The following CELF1 variants were observed in gnomAD, a reference collection of about 807,000 sequenced individuals.
The protein encoded by CELF1 is 50 kDa nuclear polyadenylated RNA-binding protein.
CELF1 carries 10 observed loss-of-function variants against 61.8 expected under a neutral mutation model. That is an observed-to-expected ratio of 0.16 (90% CI 0.10 to 0.27). The LOEUF (loss-of-function observed/expected upper bound fraction) is 0.27, where lower values mean the gene tolerates loss of function less well. Ranked by LOEUF, CELF1 falls within the 10% of genes least tolerant of loss-of-function variation. CELF1 has a pLI of 1.00. For missense variants in CELF1, 380 were observed against 639.1 expected (o/e 0.59, Z 4.37); for synonymous variants, 236 against 225.1 (o/e 1.05, Z -0.43).
At chr11:47,489,146 A>ACTACTT in intron 3 of CELF1, 122 bp from the exon 4 acceptor site, 1 of 834,502 alleles carries the variant, frequency 1.2e-6, no homozygotes, top group Non-Finnish European at 1.7e-6. Context: ...TACTTCTTTC[A>ACTACTT]CTACTTCCAT....
chr11:47,546,280 G>GGCGGGT (rs2096948664), intron 1 of CELF1, among the ~76,000 whole-genome samples: 4 of 141,576 alleles, frequency 2.8e-5, no homozygotes, highest in Non-Finnish European at 4.6e-5. Context: ...CGGGGGCGGG[G>GGCGGGT]GAGGGAATGG....
At chr11:47,562,473 G>T (rs1172264569) in intron 2 of CELF1, among the ~76,000 whole-genome samples, 1 of 134,696 alleles carries the variant, frequency 7.4e-6, no homozygotes, top group East Asian at 2.4e-4. Context: ...AGGTTGCAGT[G>T]AGCTAAGATC....
At chr11:47,547,996 T>C (rs1278670438) in intron 1 of CELF1, among the ~76,000 whole-genome samples, 1 of 152,038 alleles carries the variant, frequency 6.6e-6, no homozygotes, top group Non-Finnish European at 1.5e-5. Flanking sequence ...CACTGAATTA[T>C]ACACTTAAAA....
intron 10 of CELF1, 35 bp downstream of exon 10, chr11:47,478,842 G>A (rs766118193): frequency 6.5e-7 from 1 of 1,536,034 alleles, no homozygotes. Flanking sequence ...GCTGGCCTGG[G>A]TGCTGCTGCT....
At chr11:47,514,586 T>C (rs971916131) in intron 1 of CELF1, among the ~76,000 whole-genome samples, 23 of 150,894 alleles carry the variant, frequency 1.5e-4, no homozygotes, top group Non-Finnish European at 3.4e-4. Context: ...CCAGGCATGA[T>C]GGCTCATGCC....
intron 1 of CELF1, among the ~76,000 whole-genome samples, chr11:47,511,713 TAC>T (rs1316720420): frequency 1.3e-5 from 2 of 152,260 alleles, no homozygotes; most frequent in East Asian, 1.9e-4. Context: ...TGAGAAAAGA[TAC>T]AGAGATGAAA....
chr11:47,498,519 AT>A (rs2093479466), intron 3 of CELF1, among the ~76,000 whole-genome samples: 1 of 152,198 alleles, frequency 6.6e-6, no homozygotes, highest in African/African-American at 2.4e-5. Context: ...GGGTAGACTG[AT>A]TTGCACATGG....
chr11:47,517,260 GAAAAAAAAA>G (rs57071560), intron 1 of CELF1, among the ~76,000 whole-genome samples: 1 of 76,996 alleles, frequency 1.3e-5, no homozygotes, highest in Non-Finnish European at 3.1e-5. Context: ...AACAAACAGA[GAAAAAAAAA>G]AAAAAAAAAA....
intron 3 of CELF1, among the ~76,000 whole-genome samples, chr11:47,493,439 C>T (rs547791323): frequency 7.7e-5 from 11 of 142,608 alleles, no homozygotes; most frequent in African/African-American, 2.1e-4. Context: ...ACCCGGGAGG[C>T]GGAGACTACA....
chr11:47,541,581 T>C (rs2153724287), intron 1 of CELF1, among the ~76,000 whole-genome samples: 1 of 150,156 alleles, frequency 6.7e-6, no homozygotes, highest in East Asian at 1.9e-4. Context: ...TCCCAGCAAC[T>C]TGGGAGGCTG....
intron 9 of CELF1, among the ~76,000 whole-genome samples, chr11:47,481,395 G>A (rs1244565215): frequency 6.6e-6 from 1 of 152,014 alleles, no homozygotes; most frequent in African/African-American, 2.4e-5. Flanking sequence ...CTCCCAAAGT[G>A]TTGGGATTAC....
Position 47,516,386 on chromosome 11 carries a change from C to T in CELF1, c.-153-15454G>A, listed in dbSNP as rs144632767. Among the ~76,000 whole-genome samples, 267 of 152,168 alleles carry T rather than the reference C, an allele frequency of 1.8e-3. 2 individuals carry two copies. The highest frequency in any genetic ancestry group is 6.0e-3 in the African/African-American group (251 of 41,502). ...CCCCGAATTTAGTTTAAAAGGAAGG[C>T]GAGCAGCTGCTTCCACCTCCTCTAG... On this transcript the variant is annotated intron_variant, in intron 1 of 14. Transcript: ENST00000687097.
intron 2 of CELF1, among the ~76,000 whole-genome samples, chr11:47,558,956 A>C (rs1006238778): frequency 3.6e-5 from 5 of 138,866 alleles, no homozygotes; most frequent in African/African-American, 5.3e-5. Flanking sequence ...TATATTACAT[A>C]TAATATGTAA....
intron 1 of CELF1, among the ~76,000 whole-genome samples, chr11:47,533,841 A>G (rs2096557226): frequency 1.4e-5 from 2 of 147,660 alleles, no homozygotes; most frequent in Admixed American, 6.8e-5. Flanking sequence ...AGGAATATTT[A>G]TAACTATTTT....
chr11:47,506,590 C>T (rs917788554), intron 1 of CELF1, among the ~76,000 whole-genome samples: 1 of 152,212 alleles, frequency 6.6e-6, no homozygotes, highest in Non-Finnish European at 1.5e-5. Context: ...ACACGCTCAC[C>T]GCAACAGCTG....
intron 9 of CELF1, among the ~76,000 whole-genome samples, chr11:47,480,755 C>T (rs1448907260): frequency 1.3e-5 from 2 of 152,162 alleles, no homozygotes; most frequent in Non-Finnish European, 2.9e-5. Context: ...TGAAATATAA[C>T]CGGACCCAGT....
At chr11:47,548,936 C>T (rs2097060093) in intron 1 of CELF1, among the ~76,000 whole-genome samples, 1 of 146,512 alleles carries the variant, frequency 6.8e-6, no homozygotes, top group South Asian at 2.2e-4. Context: ...AATCAAAAAA[C>T]TTGATTAAAA....
At chr11:47,562,001 C>G (rs1220333132) in intron 2 of CELF1, among the ~76,000 whole-genome samples, 1 of 151,416 alleles carries the variant, frequency 6.6e-6, no homozygotes, top group Non-Finnish European at 1.5e-5. Flanking sequence ...CCGAGGCAGG[C>G]TGATCACCTG....
chr11:47,499,705 A>G, intron 2 of CELF1, 101 bp from the exon 3 acceptor site: 2 of 591,048 alleles, frequency 3.4e-6, no homozygotes, highest in Non-Finnish European at 6.0e-6. Context: ...AGGGAAAGGG[A>G]GTATTGGATT....
Sources: gnomAD v4.1 joint callset for allele counts (sites outside exome capture counted in the v4.1 genomes callset) on GRCh38, gnomAD v4.1.1 for gene constraint, MANE v1.5 for transcripts, NCBI Gene and HGNC (gene_info 2026-07-23, HGNC 2026-07-21) for gene names.